FSTL4: variants seen among roughly 807,000 people sequenced by gnomAD.
FSTL4 encodes follistatin-related protein 4.
A neutral mutation model predicts 78.2 loss-of-function variants in FSTL4; 28 were observed. The observed-to-expected ratio is 0.36, with a 90% confidence interval of 0.27 to 0.49. FSTL4 has a LOEUF of 0.49. Among genes scored for constraint, FSTL4 ranks in the 20% least tolerant of loss-of-function variants. The probability of loss-of-function intolerance (pLI) is 0.98; values close to 1 mark genes in which losing one functional copy is unlikely to be tolerated. For synonymous variants in FSTL4, 422 were observed against 440.5 expected, an observed-to-expected ratio of 0.96 and a Z score of 0.53; for missense variants, 922 against 1,084.9, an observed-to-expected ratio of 0.85 and a Z score of 2.11.
At chr5:133,517,107 T>C (rs990143819) in intron 3 of FSTL4, among the ~76,000 whole-genome samples, 9 of 150,536 alleles carry the variant, frequency 6.0e-5, no homozygotes, top group South Asian at 2.1e-4. Context: ...ATAGCAAACA[T>C]TGAACTCTCA....
intron 6 of FSTL4, among the ~76,000 whole-genome samples, chr5:133,251,281 C>T (rs576063143): frequency 6.6e-6 from 1 of 152,240 alleles, no homozygotes; most frequent in East Asian, 1.9e-4. Context: ...AGCATTCTCC[C>T]CAAGAGTAGA....
At chr5:133,500,483 C>G (rs1758470208) in intron 3 of FSTL4, among the ~76,000 whole-genome samples, 1 of 152,138 alleles carries the variant, frequency 6.6e-6, no homozygotes, top group Admixed American at 6.5e-5. Flanking sequence ...CAACACAAAG[C>G]TTTGGTTTCC....
the FSTL4 span, among the ~76,000 whole-genome samples, chr5:133,773,583 G>A: frequency 6.6e-6 from 1 of 152,178 alleles, no homozygotes; most frequent in Non-Finnish European, 1.5e-5. Context: ...TCTCCCTTGC[G>A]TACAGCTTTC....
chr5:133,399,754 C>T (rs1296897139), intron 4 of FSTL4, among the ~76,000 whole-genome samples: 4 of 152,240 alleles, frequency 2.6e-5, no homozygotes, highest in African/African-American at 9.6e-5. Context: ...TCCTCTCCTC[C>T]CTGTGCAACC....
intron 3 of FSTL4, among the ~76,000 whole-genome samples, chr5:133,469,643 A>G (rs1757778596): frequency 6.6e-6 from 1 of 152,230 alleles, no homozygotes; most frequent in Non-Finnish European, 1.5e-5. Context: ...CAGGGTAGGT[A>G]CATGCATTTC....
intron 4 of FSTL4, among the ~76,000 whole-genome samples, chr5:133,325,283 G>A (rs542170495): frequency 3.6e-4 from 55 of 152,260 alleles, no homozygotes; most frequent in African/African-American, 1.1e-3. Context: ...GAACAGAGCC[G>A]ACCCTGTGGA....
At chr5:133,323,931 C>T (rs78875836) in intron 4 of FSTL4, among the ~76,000 whole-genome samples, 1,899 of 152,294 alleles carry the variant, frequency 0.012, 32 homozygotes, top group African/African-American at 0.043. Context: ...CAATAATTGT[C>T]CCTCTTTGAA....
intron 2 of FSTL4, among the ~76,000 whole-genome samples, chr5:133,571,982 A>G (rs1405681792): frequency 6.6e-6 from 1 of 152,220 alleles, no homozygotes; most frequent in Non-Finnish European, 1.5e-5. Context: ...ATCAATACTG[A>G]AAGAGACGCT....
Position 133,517,141 on chromosome 5 carries a change from G to A in FSTL4, c.160+50045C>T, listed in dbSNP as rs1294303952. 2.6e-5 allele frequency among the ~76,000 whole-genome samples: 4 copies of A among 151,286 alleles called. No individual in the cohort carries two copies. The East Asian group carries it at 5.9e-4, about 22-fold the overall frequency. On this transcript the variant is annotated intron_variant, in intron 3 of 15. Transcript: ENST00000265342. ...CAACCGACTAAAAAATGTACAAACT[G>A]GCCAGGGTCAGTGGCACATGTCTGT...
chr5:133,390,428 T>C (rs1755815374), intron 4 of FSTL4, among the ~76,000 whole-genome samples: 1 of 152,276 alleles, frequency 6.6e-6, no homozygotes, highest in African/African-American at 2.4e-5. Context: ...AAGCTCTGTC[T>C]TCCCTCATTA....
chr5:133,293,538 C>T (rs560271281), intron 6 of FSTL4, among the ~76,000 whole-genome samples: 1 of 152,292 alleles, frequency 6.6e-6, no homozygotes, highest in Admixed American at 6.5e-5. Flanking sequence ...CCCAGCTCTT[C>T]CTGTAGTTGA....
At chr5:133,470,950 A>G (rs1189686952) in intron 3 of FSTL4, among the ~76,000 whole-genome samples, 11 of 152,084 alleles carry the variant, frequency 7.2e-5, no homozygotes, top group Admixed American at 7.2e-4. Flanking sequence ...TTGATACAGG[A>G]GGTCTCACAT....
intron 1 of FSTL4, 126 bp from the exon 2 acceptor site, chr5:133,604,119 G>C (rs1319757581): frequency 1.5e-6 from 1 of 670,204 alleles, no homozygotes; most frequent in Non-Finnish European, 2.6e-6. Context: ...CCAAACTTCT[G>C]TTCTACCTTG....
the FSTL4 span, among the ~76,000 whole-genome samples, chr5:133,707,797 C>T: frequency 1.3e-5 from 2 of 151,956 alleles, no homozygotes; most frequent in African/African-American, 2.4e-5. Context: ...TGCAGCCATC[C>T]AGTTGGGTTG....
At chr5:133,486,186 C>T (rs1302509432) in intron 3 of FSTL4, among the ~76,000 whole-genome samples, 2 of 151,518 alleles carry the variant, frequency 1.3e-5, no homozygotes, top group Non-Finnish European at 2.9e-5. Flanking sequence ...AGAGAGAGAT[C>T]GGGAGCAAGA....
chr5:133,288,699 G>C (rs542109323), intron 6 of FSTL4, among the ~76,000 whole-genome samples: 1 of 152,328 alleles, frequency 6.6e-6, no homozygotes, highest in South Asian at 2.1e-4. Context: ...GTCCTGGAAA[G>C]TGAAGGTAGA....
chr5:133,330,779 C>T (rs115604927), intron 4 of FSTL4, among the ~76,000 whole-genome samples: 1,701 of 152,286 alleles, frequency 0.011, 13 homozygotes, highest in Admixed American at 0.025. Context: ...TTAGGTCTGA[C>T]AGGGGGTAAA....
chr5:133,683,509 A>C, the FSTL4 span, among the ~76,000 whole-genome samples: 19 of 152,162 alleles, frequency 1.2e-4, no homozygotes, highest in Non-Finnish European at 2.5e-4. Context: ...CATATAAATC[A>C]AACTTGCCAA....
At chr5:133,523,959 G>A (rs1759036897) in intron 3 of FSTL4, among the ~76,000 whole-genome samples, 1 of 152,248 alleles carries the variant, frequency 6.6e-6, no homozygotes. Context: ...CAAAGTCACA[G>A]GTGGGCAGGG....
Sources: allele counts gnomAD v4.1 joint callset (sites outside exome capture counted in the v4.1 genomes callset), GRCh38; gene constraint gnomAD v4.1.1; transcripts MANE v1.5; gene names NCBI Gene and HGNC (gene_info 2026-07-23, HGNC 2026-07-21).